The following FNDC3B variants were observed in gnomAD, a reference collection of about 807,000 sequenced individuals.
FNDC3B encodes fibronectin type III domain-containing protein 3B.
In FNDC3B, 12 loss-of-function variants were observed where a neutral mutation model predicts 151.5. That is an observed-to-expected ratio of 0.08 (90% confidence interval 0.05 to 0.13). FNDC3B has a LOEUF of 0.13. Ranked by LOEUF, FNDC3B falls within the 10% of genes least tolerant of loss-of-function variation. FNDC3B has a pLI of 1.00. For synonymous variants in FNDC3B, 528 were observed against 549.0 expected, an observed-to-expected ratio of 0.96 and a Z score of 0.54; for missense variants, 1,214 against 1,505.3, an observed-to-expected ratio of 0.81 and a Z score of 3.20.
chr3:172,222,498 C>T (rs950546624), intron 3 of FNDC3B, among the ~76,000 whole-genome samples: 1 of 152,152 alleles, frequency 6.6e-6, no homozygotes, highest in Non-Finnish European at 1.5e-5. Context: ...TCAGCAGTTC[C>T]CAACCTTTTT....
At chr3:172,180,931 G>T (rs1723857525) in intron 3 of FNDC3B, among the ~76,000 whole-genome samples, 1 of 151,984 alleles carries the variant, frequency 6.6e-6, no homozygotes, top group Non-Finnish European at 1.5e-5. Context: ...TATTGTTTAG[G>T]TTGGGGCAAA....
chr3:172,041,409 CTCTCCTTCCTTCCT>C (rs1716050588), intron 1 of FNDC3B, among the ~76,000 whole-genome samples: 1 of 135,140 alleles, frequency 7.4e-6, no homozygotes. Context: ...TTCTCCTTCT[CTCTCCTTCCTTCCT>C]TCCTTCCTTC....
intron 13 of FNDC3B, among the ~76,000 whole-genome samples, chr3:172,331,843 A>G (rs1011762543): frequency 2.4e-4 from 37 of 152,138 alleles, no homozygotes; most frequent in Non-Finnish European, 4.7e-4. Context: ...GAACAGCACC[A>G]CCCAATAGAA....
chr3:172,160,615 TG>T (rs1722718360), intron 3 of FNDC3B, among the ~76,000 whole-genome samples: 2 of 152,258 alleles, frequency 1.3e-5, no homozygotes, highest in Admixed American at 1.3e-4. Context: ...AATGTCAGTT[TG>T]GGCTAGGGGG....
intron 11 of FNDC3B, chr3:172,316,441 G>T (rs1451154060): frequency 2.2e-6 from 1 of 456,120 alleles, no homozygotes; most frequent in East Asian, 6.9e-5. Context: ...AGGAACCTCT[G>T]GGTTGAGTCA....
rs34854407 is a variant in FNDC3B at position 172,041,359 on chromosome 3, TTTTCTTTC to T, written c.-29+1608_-29+1615del. ...GAGGGAATATGCTTTTTAAAAATCG[TTTTCTTTC>T]TTTCTTTCTTTCTTTCTTTTTCTTT... On this transcript the variant is annotated intron_variant, in intron 1 of 25. Coordinates refer to ENST00000415807, the MANE Select transcript of FNDC3B (RefSeq NM_022763.4). Among the ~76,000 whole-genome samples the T allele has an allele frequency of 6.0e-3, 899 of 149,242 alleles. 7 individuals carry two copies. The highest frequency in any genetic ancestry group is 8.9e-3 in the African/African-American group (362 of 40,654).
chr3:172,290,139 C>T (rs1730251050), intron 7 of FNDC3B, among the ~76,000 whole-genome samples: 1 of 152,148 alleles, frequency 6.6e-6, no homozygotes, highest in African/African-American at 2.4e-5. Flanking sequence ...TCAGCCACAA[C>T]TGGTAGCACC....
rs1234868345 is a variant in FNDC3B, at chr3:172,039,676, AG to A, written c.-119del. 3.7e-5 allele frequency: 6 copies of A among 163,710 alleles called. No homozygotes were observed. The highest frequency in any genetic ancestry group is 6.5e-5 in the Non-Finnish European group (5 of 77,210). 10.1% of individuals were successfully genotyped at this position (163,710 alleles called of 1,614,324 possible). On this transcript the variant is annotated 5_prime_UTR_variant, in exon 1 of 26. Transcript: ENST00000415807. Reference sequence around the variant, plus strand: ...AGAGCGGCGGCGGCGGGAGCAGCGAAGGGGGCGGCAGGGATCCTCCAGGCTG... The same window carrying A: ...AGAGCGGCGGCGGCGGGAGCAGCGAAGGGGCGGCAGGGATCCTCCAGGCTG...
At chr3:172,320,358 T>G (rs1259883738) in intron 11 of FNDC3B, among the ~76,000 whole-genome samples, 1 of 151,714 alleles carries the variant, frequency 6.6e-6, no homozygotes, top group Non-Finnish European at 1.5e-5. Flanking sequence ...CCAGCCTGGG[T>G]GACAGGGTGA....
Position 172,372,345 on chromosome 3 carries a change from G to A in FNDC3B, c.3009-5925G>A, listed in dbSNP as rs1479271012. Among the ~76,000 whole-genome samples the A allele has an allele frequency of 2.6e-5, 4 of 152,168 alleles. No individual in the cohort carries two copies. The East Asian group carries it at 5.8e-4, about 22-fold the overall frequency. ...AAGACCCCTCAGAGATATTGCCAGCGTGGGCTGGGGCTCCTGTGGTACCAT... is the reference window on the plus strand; with the variant it reads ...AAGACCCCTCAGAGATATTGCCAGCATGGGCTGGGGCTCCTGTGGTACCAT... On this transcript the variant is annotated intron_variant, in intron 23 of 25. Transcript: ENST00000415807.
chr3:172,288,462 G>A (rs1340887295), intron 7 of FNDC3B, among the ~76,000 whole-genome samples: 1 of 152,214 alleles, frequency 6.6e-6, no homozygotes, highest in African/African-American at 2.4e-5. Flanking sequence ...TCAGTCAAAA[G>A]ATAACATTTC....
At chr3:172,335,851 G>A (rs553446464) in intron 15 of FNDC3B, 2 of 152,148 alleles carry the variant, frequency 1.3e-5, no homozygotes, top group South Asian at 4.1e-4. Context: ...TTGCAGCCAA[G>A]TAATATAAGG....
chr3:172,118,814 A>G (rs1014483366), intron 2 of FNDC3B, among the ~76,000 whole-genome samples: 1 of 152,202 alleles, frequency 6.6e-6, no homozygotes, highest in Non-Finnish European at 1.5e-5. Context: ...ACTCAAATTT[A>G]TAAAGCCCTC....
intron 6 of FNDC3B, among the ~76,000 whole-genome samples, chr3:172,267,398 C>G (rs991569199): frequency 2.6e-5 from 4 of 152,114 alleles, no homozygotes; most frequent in Non-Finnish European, 5.9e-5. Flanking sequence ...TCAAAGGGTC[C>G]TCCTGCCTCA....
At chr3:172,056,027 C>T (rs1209609470) in intron 1 of FNDC3B, among the ~76,000 whole-genome samples, 1 of 152,016 alleles carries the variant, frequency 6.6e-6, no homozygotes, top group East Asian at 1.9e-4. Context: ...GTGATCCGCC[C>T]GCCTCGGCCT....
intron 3 of FNDC3B, among the ~76,000 whole-genome samples, chr3:172,176,560 TG>T (rs1576765667): frequency 6.6e-6 from 1 of 152,190 alleles, no homozygotes; most frequent in Non-Finnish European, 1.5e-5. Flanking sequence ...GAGGAAGGGG[TG>T]GGCAATTACA....
intron 3 of FNDC3B, among the ~76,000 whole-genome samples, chr3:172,167,799 C>T (rs139824735): frequency 2.0e-4 from 31 of 152,166 alleles, no homozygotes; most frequent in Non-Finnish European, 3.5e-4. Flanking sequence ...TTGTGAACTG[C>T]GCATGTGAAG....
intron 1 of FNDC3B, among the ~76,000 whole-genome samples, chr3:172,106,529 G>T (rs966807629): frequency 6.6e-6 from 1 of 152,124 alleles, no homozygotes; most frequent in Non-Finnish European, 1.5e-5. Flanking sequence ...ATTAATTTGC[G>T]TACTGTACTG....
intron 25 of FNDC3B, among the ~76,000 whole-genome samples, chr3:172,382,817 A>G (rs1350731015): frequency 1.3e-5 from 2 of 152,052 alleles, no homozygotes; most frequent in East Asian, 3.9e-4. Flanking sequence ...GTTATGTTCC[A>G]TTGGTCTATA....
Sources: allele counts gnomAD v4.1 joint callset (sites outside exome capture counted in the v4.1 genomes callset), GRCh38; gene constraint gnomAD v4.1.1; transcripts MANE v1.5; gene names NCBI Gene and HGNC (gene_info 2026-07-23, HGNC 2026-07-21).